GTF2H2C: variants seen among roughly 807,000 people sequenced by gnomAD.
The protein encoded by GTF2H2C is general transcription factor IIH subunit 2-like protein.
In GTF2H2C, 5 loss-of-function variants were observed where a neutral mutation model predicts 24.8. That is an observed-to-expected ratio of 0.20 (90% CI 0.11 to 0.42). The LOEUF (loss-of-function observed/expected upper bound fraction) is 0.42, where lower values mean the gene tolerates loss of function less well. Among genes scored for constraint, GTF2H2C ranks in the 20% least tolerant of loss-of-function variants. The pLI is 1.00. For missense variants in GTF2H2C, 45 were observed against 169.8 expected (o/e 0.27, Z 4.08); for synonymous variants, 14 against 52.6 (o/e 0.27, Z 3.18).
chr5:69,563,400 A>C (rs1352681568), intron 2 of GTF2H2C, among the ~76,000 whole-genome samples: 5 of 151,468 alleles, frequency 3.3e-5, no homozygotes, highest in African/African-American at 1.2e-4. Context: ...TTTTTAGTAG[A>C]GACGGGTGTT....
intron 1 of GTF2H2C, among the ~76,000 whole-genome samples, chr5:69,561,824 G>A (rs978023739): frequency 6.7e-6 from 1 of 150,226 alleles, no homozygotes; most frequent in Non-Finnish European, 1.5e-5. Context: ...TTGATGTTTT[G>A]TAGAGACAAG....
chr5:69,568,570 T>G (rs1770909100), intron 8 of GTF2H2C: 1 of 113,816 alleles, frequency 8.8e-6, no homozygotes, highest in Non-Finnish European at 1.6e-5. Context: ...CAATTTCGGA[T>G]CACTGCAAAG....
At position 69,593,891 on chromosome 5, in the gene GTF2H2C, G is replaced by T. The variant is rs1478907051; in HGVS notation, c.*1693G>T. The T allele has an allele frequency of 6.4e-5, 1 of 15,700 alleles. No homozygotes were observed. Among genetic ancestry groups the T allele is most frequent in the East Asian group, 2.0e-3 (1 of 512 alleles). 1.0% of individuals were successfully genotyped at this position (15,700 alleles called of 1,614,324 possible). A position where few individuals can be genotyped will look rare whatever the true frequency, so the allele number is the denominator to read the frequency against. On this transcript the variant is annotated 3_prime_UTR_variant, in exon 17 of 17. Transcript: ENST00000380729. ...GCGGAGCTTGCAGTGAACCGAGATC[G>T]CTCCACTGCACTCCAGCCTGGGCGA...
At chr5:69,564,757 T>C (rs1260107207) in intron 2 of GTF2H2C, among the ~76,000 whole-genome samples, 4 of 149,638 alleles carry the variant, frequency 2.7e-5, no homozygotes, top group Non-Finnish European at 5.9e-5. Flanking sequence ...ATGAATCACA[T>C]GTCACTCAGC....
At chr5:69,561,067 T>G (rs1770303643) in intron 1 of GTF2H2C, among the ~76,000 whole-genome samples, 1 of 152,102 alleles carries the variant, frequency 6.6e-6, no homozygotes, top group Non-Finnish European at 1.5e-5. Flanking sequence ...GGTGATATTT[T>G]TAAGAAGAAA....
At chr5:69,570,012 G>C (rs2112204162) in intron 8 of GTF2H2C, 1 of 51,452 alleles carries the variant, frequency 1.9e-5, no homozygotes, top group African/African-American at 5.2e-5. Flanking sequence ...CATGTATAAA[G>C]ATGAAAAATA....
Position 69,572,436 on chromosome 5 carries a change from C to G in GTF2H2C, c.365-9C>G. The G allele has an allele frequency of 7.7e-6, 10 of 1,299,646 alleles. No individual in the cohort carries two copies. In the Admixed American group the frequency reaches 2.3e-4, roughly 30 times the overall value. 80.5% of individuals were successfully genotyped at this position (1,299,646 alleles called of 1,614,324 possible). A position where few individuals can be genotyped will look rare whatever the true frequency, so the allele number is the denominator to read the frequency against. On this transcript the variant is annotated splice_polypyrimidine_tract_variant and intron_variant, in intron 8 of 16. Transcript: ENST00000380729. ...AGGATTTTATTTAAAGACCTTATTT[C>G]TATTTTAGGAAACCCAAGAAAACAT...
In GTF2H2C at chr5:69,566,257, A is replaced by G. The variant is rs771734522; in HGVS notation, c.134+49A>G. ...TAAAAAGGTAAAATATATTCATTTT[A>G]AGCCTTTCTATCTATAAATACTCCT... On this transcript the variant is annotated intron_variant, in intron 4 of 16. Coordinates refer to ENST00000380729, the MANE Select transcript of GTF2H2C (RefSeq NM_001376000.2). 5.6e-6 allele frequency: 9 copies of G among 1,598,808 alleles called. No individual in the cohort carries two copies. In the South Asian group the frequency reaches 1.0e-4, roughly 18 times the overall value.
At chr5:69,573,057 A>G (rs1270097260) in intron 9 of GTF2H2C, among the ~76,000 whole-genome samples, 2 of 141,930 alleles carry the variant, frequency 1.4e-5, no homozygotes, top group African/African-American at 5.3e-5. Flanking sequence ...TATACATATT[A>G]TATATATAAT....
chr5:69,568,790 C>T (rs1399329946), intron 8 of GTF2H2C: 8 of 76,434 alleles, frequency 1.0e-4, no homozygotes, highest in African/African-American at 3.6e-4. Flanking sequence ...CCACCGCATC[C>T]GGCCTTATCC....
intron 1 of GTF2H2C, among the ~76,000 whole-genome samples, chr5:69,562,015 G>A (rs1770391913): frequency 6.6e-6 from 1 of 152,076 alleles, no homozygotes; most frequent in African/African-American, 2.4e-5. Context: ...AGAAAACAGG[G>A]AGGAGCAAAA....
chr5:69,561,064 T>A (rs762662585), intron 1 of GTF2H2C, among the ~76,000 whole-genome samples: 18 of 152,220 alleles, frequency 1.2e-4, no homozygotes, highest in Non-Finnish European at 2.4e-4. Context: ...CTCGGTGATA[T>A]TTTTAAGAAG....
intron 4 of GTF2H2C, 22 bp downstream of exon 4, chr5:69,566,230 C>T: frequency 1.2e-6 from 2 of 1,609,742 alleles, no homozygotes; most frequent in Non-Finnish European, 1.7e-6. Context: ...TCCTACGTAT[C>T]TTAAAAAGGT....
chr5:69,568,954 GACATACCT>G (rs1770940406), intron 8 of GTF2H2C: 1 of 101,800 alleles, frequency 9.8e-6, no homozygotes, highest in Non-Finnish European at 2.1e-5. Context: ...CTGCTTCCAT[GACATACCT>G]AACTGAATTT....
intron 1 of GTF2H2C, among the ~76,000 whole-genome samples, chr5:69,560,983 C>G: frequency 6.6e-6 from 1 of 152,008 alleles, no homozygotes; most frequent in Non-Finnish European, 1.5e-5. Flanking sequence ...GTCTTGATTT[C>G]TTGACCTCGT....
chr5:69,561,564 GAAA>G (rs1201509888), intron 1 of GTF2H2C, among the ~76,000 whole-genome samples: 2 of 29,550 alleles, frequency 6.8e-5, no homozygotes, highest in Non-Finnish European at 2.7e-4. Flanking sequence ...AGAAAAAAAA[GAAA>G]AAAAAGAATT....
In GTF2H2C at chr5:69,573,143, T is replaced by TACACACACAC. The variant is rs754356211; in HGVS notation, c.470+594_470+595insCACACACACA. Among the ~76,000 whole-genome samples, 281 of 92,030 alleles carry TACACACACAC rather than the reference T, an allele frequency of 3.1e-3. 5 individuals are homozygous for TACACACACAC. Among genetic ancestry groups the TACACACACAC allele is most frequent in the African/African-American group, 7.2e-3 (189 of 26,320 alleles). 60.4% of individuals were successfully genotyped at this position (92,030 alleles called of 152,430 possible). The stretch of plus-strand genomic sequence containing the variant: ...AGTTAAAGCTTATATATCTATTATA[T>TACACACACAC]ATACACACACACACACACACACACA... On this transcript the variant is annotated intron_variant, in intron 9 of 16. Coordinates refer to ENST00000380729, the MANE Select transcript of GTF2H2C (RefSeq NM_001376000.2).
At position 69,568,298 on chromosome 5, in the gene GTF2H2C, C is replaced by T. The variant is rs1229719969; in HGVS notation, c.364+91C>T. 1.6e-5 allele frequency: 6 copies of T among 365,052 alleles called. No individual in the cohort carries two copies. In the East Asian group the frequency reaches 2.8e-4, roughly 17 times the overall value. 22.6% of individuals were successfully genotyped at this position (365,052 alleles called of 1,614,324 possible). On this transcript the variant is annotated intron_variant, in intron 8 of 16. Transcript: ENST00000380729. ...GTTTATATGGCTGCTTAATAAGTAA[C>T]GTGAAGGGTGGTTCCTCTGTCTTCT... is the stretch of plus-strand genomic sequence containing the variant.
In GTF2H2C at chr5:69,561,561, AAAG is replaced by A. The variant is rs1362380149; in HGVS notation, c.-131-1109_-131-1107del. ...GAGCAAGACTCTTGTCTCAGAAAAA[AAAG>A]AAAAAAAAGAATTCCTTTGATATGG... On this transcript the variant is annotated intron_variant, in intron 1 of 16. Coordinates refer to ENST00000380729, the MANE Select transcript of GTF2H2C (RefSeq NM_001376000.2). Among the ~76,000 whole-genome samples the A allele has an allele frequency of 3.7e-4, 37 of 99,210 alleles. 1 individual carries two copies. Among genetic ancestry groups the A allele is most frequent in the East Asian group, 2.7e-3 (10 of 3,716 alleles). The allele number at this position is 99,210 out of a possible 152,430, so 65.1% of individuals were successfully genotyped here.
Sources: allele counts gnomAD v4.1 joint callset (sites outside exome capture counted in the v4.1 genomes callset), GRCh38; gene constraint gnomAD v4.1.1; transcripts MANE v1.5; gene names NCBI Gene and HGNC (gene_info 2026-07-23, HGNC 2026-07-21).